The following NFIB variants were observed in gnomAD, a reference collection of about 807,000 sequenced individuals.
The protein encoded by NFIB is nuclear factor I B.
NFIB carries 11 observed loss-of-function variants against 61.5 expected under a neutral mutation model. That is an observed-to-expected ratio of 0.18 (90% confidence interval 0.11 to 0.30). NFIB has a LOEUF of 0.30. Among genes scored for constraint, NFIB ranks in the 10% least tolerant of loss-of-function variants. The pLI is 1.00. For missense variants in NFIB, 471 were observed against 608.9 expected (o/e 0.77, Z 2.38); for synonymous variants, 260 against 216.5 (o/e 1.20, Z -1.76).
At chr9:14,328,165 GA>G (rs1346181423) in intron 1 of NFIB, among the ~76,000 whole-genome samples, 1 of 151,898 alleles carries the variant, frequency 6.6e-6, no homozygotes, top group Non-Finnish European at 1.5e-5. Flanking sequence ...TTTCTTTTGT[GA>G]TAAGGTCTTA....
the NFIB span, among the ~76,000 whole-genome samples, chr9:14,501,759 G>A: frequency 6.6e-6 from 1 of 152,208 alleles, no homozygotes; most frequent in African/African-American, 2.4e-5. Flanking sequence ...CAGAGGGAAA[G>A]AGCACGGAGG....
chr9:14,302,748 C>CCCA (rs1367849988), intron 2 of NFIB, among the ~76,000 whole-genome samples: 2 of 151,704 alleles, frequency 1.3e-5, no homozygotes, highest in Non-Finnish European at 2.9e-5. Flanking sequence ...CCCCCCGACT[C>CCCA]CCACCACCAC....
At chr9:14,457,910 G>A in the NFIB span, among the ~76,000 whole-genome samples, 22 of 152,196 alleles carry the variant, frequency 1.4e-4, no homozygotes, top group South Asian at 4.2e-4. Flanking sequence ...AGGACCAGGC[G>A]GATTCACAGC....
the NFIB span, among the ~76,000 whole-genome samples, chr9:14,485,910 C>T: frequency 3.3e-5 from 5 of 151,796 alleles, no homozygotes; most frequent in South Asian, 2.1e-4. Context: ...AACAACCCCC[C>T]CCACAACACA....
At chr9:14,471,998 T>C in the NFIB span, among the ~76,000 whole-genome samples, 1 of 152,232 alleles carries the variant, frequency 6.6e-6, no homozygotes, top group African/African-American at 2.4e-5. Flanking sequence ...TTTCCTTCAA[T>C]GAGTTCCCTT....
At chr9:14,335,699 A>T (rs961719036) in intron 1 of NFIB, among the ~76,000 whole-genome samples, 5 of 152,230 alleles carry the variant, frequency 3.3e-5, no homozygotes, top group Admixed American at 2.6e-4. Flanking sequence ...CGATGAAGTC[A>T]AAATTGTGGA....
intron 3 of NFIB, among the ~76,000 whole-genome samples, chr9:14,156,849 GAAAC>G (rs2043475084): frequency 6.6e-6 from 1 of 152,126 alleles, no homozygotes; most frequent in South Asian, 2.1e-4. Context: ...ATACATCTGA[GAAAC>G]AAACAAACAA....
the NFIB span, among the ~76,000 whole-genome samples, chr9:14,496,939 T>G: frequency 1.3e-5 from 2 of 152,226 alleles, no homozygotes; most frequent in Admixed American, 6.5e-5. Context: ...TTTCTACAAA[T>G]TGGCATGGTC....
intron 2 of NFIB, among the ~76,000 whole-genome samples, chr9:14,184,144 A>C (rs2047095736): frequency 6.6e-6 from 1 of 152,204 alleles, no homozygotes. Context: ...ATTTTATGGA[A>C]GATCCTAGGA....
At chr9:14,354,378 A>G (rs1378798846) in intron 1 of NFIB, among the ~76,000 whole-genome samples, 1 of 152,242 alleles carries the variant, frequency 6.6e-6, no homozygotes, top group Non-Finnish European at 1.5e-5. Context: ...GTACTAAAGT[A>G]TTGTGCTGGA....
At chr9:14,125,246 C>A (rs1423016097) in intron 7 of NFIB, among the ~76,000 whole-genome samples, 1 of 152,226 alleles carries the variant, frequency 6.6e-6, no homozygotes, top group East Asian at 1.9e-4. Flanking sequence ...CAACCTTTGC[C>A]TCCCAGGCTC....
the NFIB span, among the ~76,000 whole-genome samples, chr9:14,486,666 T>C: frequency 1.5e-4 from 22 of 151,566 alleles, no homozygotes; most frequent in Non-Finnish European, 2.8e-4. Flanking sequence ...TTCAAAACAA[T>C]AGCAGGTGTG....
At chr9:14,306,666 G>C (rs970576636) in intron 2 of NFIB, among the ~76,000 whole-genome samples, 2 of 152,254 alleles carry the variant, frequency 1.3e-5, no homozygotes, top group South Asian at 2.1e-4. Context: ...GCCTACGACA[G>C]AAAGTATAGT....
At chr9:14,205,122 C>T (rs981015459) in intron 2 of NFIB, 1 of 152,286 alleles carries the variant, frequency 6.6e-6, no homozygotes, top group African/African-American at 2.6e-5. Flanking sequence ...TTAACTATGT[C>T]TGTGGCATAA....
intron 2 of NFIB, among the ~76,000 whole-genome samples, chr9:14,265,607 T>A (rs1217924002): frequency 6.6e-6 from 1 of 152,212 alleles, no homozygotes; most frequent in Non-Finnish European, 1.5e-5. Context: ...CAGTCTATAG[T>A]ATTTTGTTAT....
the NFIB span, among the ~76,000 whole-genome samples, chr9:14,469,029 C>A: frequency 6.6e-6 from 1 of 152,138 alleles, no homozygotes; most frequent in Non-Finnish European, 1.5e-5. Flanking sequence ...CAGGCAGGCA[C>A]AACAATGCCC....
chr9:14,467,004 C>T, the NFIB span, among the ~76,000 whole-genome samples: 56 of 152,172 alleles, frequency 3.7e-4, no homozygotes, highest in African/African-American at 1.3e-3. Flanking sequence ...CTATGCTGTG[C>T]GGGAGGGGGC....
chr9:14,291,935 A>G (rs1054435311), intron 2 of NFIB, among the ~76,000 whole-genome samples: 2 of 152,148 alleles, frequency 1.3e-5, no homozygotes, highest in Non-Finnish European at 2.9e-5. Flanking sequence ...GTTGAGTGCA[A>G]TTTAGTGTAT....
intron 1 of NFIB, among the ~76,000 whole-genome samples, chr9:14,328,574 C>G (rs998640391): frequency 6.6e-6 from 1 of 151,986 alleles, no homozygotes; most frequent in Non-Finnish European, 1.5e-5. Context: ...CACCCACAGT[C>G]CCATCACCTA....
Sources: allele counts gnomAD v4.1 joint callset (sites outside exome capture counted in the v4.1 genomes callset), GRCh38; gene constraint gnomAD v4.1.1; transcripts MANE v1.5; gene names NCBI Gene and HGNC (gene_info 2026-07-23, HGNC 2026-07-21).